The following MSH3 variants were observed in gnomAD, a reference collection of about 807,000 sequenced individuals.
MSH3 encodes mutS homolog 3.
Under a neutral mutation model 123.3 loss-of-function variants are expected in MSH3, and 106 were observed. The ratio of observed to expected loss-of-function variants is 0.86; its 90% CI spans 0.73 to 1.01. MSH3 has a LOEUF of 1.01. Ranked by LOEUF, MSH3 falls within the 50% of genes least tolerant of loss-of-function variation. The probability of loss-of-function intolerance (pLI) is 0.00; values close to 1 mark genes in which losing one functional copy is unlikely to be tolerated. For synonymous variants in MSH3, 515 were observed against 481.4 expected (o/e 1.07, Z -0.91); for missense variants, 1,459 against 1,347.6 (o/e 1.08, Z -1.29).
In MSH3 at chr5:80,714,123, A is replaced by G. The variant is rs1390403698; in HGVS notation, c.1341-11330A>G. Among the ~76,000 whole-genome samples, 3 of 150,000 alleles carry G rather than the reference A, an allele frequency of 2.0e-5. No homozygotes were observed. The East Asian group carries it at 5.8e-4, about 29-fold the overall frequency. ...ATGCTAGGCATGTGTGCAGAATTTC[A>G]AATAGACTTTTTTTTTTTTTTTTTT... On this transcript the variant is annotated intron_variant, in intron 8 of 23. Coordinates refer to ENST00000265081, the MANE Select transcript of MSH3 (RefSeq NM_002439.5).
intron 21 of MSH3, among the ~76,000 whole-genome samples, chr5:80,864,294 A>AT (rs1161424647): frequency 1.3e-5 from 2 of 152,160 alleles, no homozygotes; most frequent in Non-Finnish European, 2.9e-5. Flanking sequence ...ATTGAAAGAC[A>AT]TTATGCAAAA....
intron 14 of MSH3, 57 bp downstream of exon 14, chr5:80,768,177 T>C: frequency 6.9e-7 from 1 of 1,455,302 alleles, no homozygotes; most frequent in Non-Finnish European, 9.7e-7. Flanking sequence ...TCAGTGCATT[T>C]GCCATTTATT....
intron 8 of MSH3, among the ~76,000 whole-genome samples, chr5:80,695,308 A>C (rs976180646): frequency 6.6e-6 from 1 of 150,618 alleles, no homozygotes; most frequent in African/African-American, 2.4e-5. Flanking sequence ...CACTGTTATT[A>C]TATTTTTCAC....
At chr5:80,667,776 G>A (rs552037189) in intron 3 of MSH3, among the ~76,000 whole-genome samples, 28 of 152,322 alleles carry the variant, frequency 1.8e-4, no homozygotes, top group South Asian at 6.2e-4. Flanking sequence ...GAACTGCAGA[G>A]CCCCAGAGAG....
rs1204053199 is a variant in MSH3, at chr5:80,675,049, C to T, written c.1094C>T (p.Thr365Ile). 1.2e-6 allele frequency: 2 copies of T among 1,613,094 alleles called. No individual in the cohort carries two copies. The highest frequency in any genetic ancestry group is 1.7e-6 in the Non-Finnish European group (2 of 1,179,434). Reference protein sequence around the residue: ...NVDEIMTDTSTSYLLCISENK... With the variant: ...NVDEIMTDTSISYLLCISENK... Reference sequence around the variant, plus strand: ...GATGAGATAATGACTGATACTTCTACCAGCTATCTTCTGTGCATCTCTGAA... The same window carrying T: ...GATGAGATAATGACTGATACTTCTATCAGCTATCTTCTGTGCATCTCTGAA... Residue 365 changes from threonine to isoleucine, a missense_variant, in exon 7 of 24, where the codon ACC becomes ATC. Coordinates refer to ENST00000265081, the MANE Select transcript of MSH3 (RefSeq NM_002439.5).
intron 20 of MSH3, among the ~76,000 whole-genome samples, chr5:80,846,493 G>A (rs1745723947): frequency 6.6e-6 from 1 of 152,158 alleles, no homozygotes; most frequent in Non-Finnish European, 1.5e-5. Flanking sequence ...CTTTCATTCT[G>A]CTATGCCCTG....
intron 8 of MSH3, among the ~76,000 whole-genome samples, chr5:80,693,317 G>A (rs1580566759): frequency 3.3e-5 from 1 of 30,714 alleles, no homozygotes; most frequent in East Asian, 7.7e-4. Context: ...ACATGTATAT[G>A]TTTATATAGA....
chr5:80,674,509 C>G (rs1257430648), intron 6 of MSH3, among the ~76,000 whole-genome samples: 2 of 152,066 alleles, frequency 1.3e-5, no homozygotes, highest in Non-Finnish European at 2.9e-5. Context: ...CAGCATCATC[C>G]AAGTGATGAA....
At chr5:80,846,003 C>T (rs942284203) in intron 20 of MSH3, among the ~76,000 whole-genome samples, 1 of 152,198 alleles carries the variant, frequency 6.6e-6, no homozygotes, top group Non-Finnish European at 1.5e-5. Flanking sequence ...TCGGAAGTTT[C>T]TGCTTTTCTG....
At chr5:80,807,190 CAAAAAAAAAAA>C (rs34405208) in intron 19 of MSH3, among the ~76,000 whole-genome samples, 2 of 91,472 alleles carry the variant, frequency 2.2e-5, no homozygotes, top group Non-Finnish European at 4.1e-5. Context: ...TACCCTGTCT[CAAAAAAAAAAA>C]AAAAAAAAAA....
chr5:80,709,358 T>C lies in MSH3; in HGVS notation c.1341-16095T>C, dbSNP rs554933051. ...TTTAGGGCCGGGTGCGGTGGTGGCT[T>C]ACGCCTGTAATCCCAGCACTTTGGG... On this transcript the variant is annotated intron_variant, in intron 8 of 23. Coordinates refer to ENST00000265081, the MANE Select transcript of MSH3 (RefSeq NM_002439.5). Among the ~76,000 whole-genome samples, 579 of 151,948 alleles carry C rather than the reference T, an allele frequency of 3.8e-3. 3 individuals carry two copies. The highest frequency in any genetic ancestry group is 0.01 in the African/African-American group (425 of 41,462).
chr5:80,707,621 A>G (rs932285884), intron 8 of MSH3, among the ~76,000 whole-genome samples: 3 of 151,978 alleles, frequency 2.0e-5, no homozygotes, highest in Non-Finnish European at 4.4e-5. Flanking sequence ...AGGCCTAGCT[A>G]CTCAGAAGGC....
chr5:80,726,420 T>G (rs907190522), intron 9 of MSH3, among the ~76,000 whole-genome samples: 2 of 152,206 alleles, frequency 1.3e-5, no homozygotes, highest in African/African-American at 4.8e-5. Context: ...GCATGTCTCT[T>G]TAATTTCATG....
chr5:80,854,346 G>T, intron 21 of MSH3, 30 bp downstream of exon 21: 1 of 1,573,594 alleles, frequency 6.4e-7, no homozygotes, highest in African/African-American at 1.3e-5. Context: ...TATTTAAAAA[G>T]AAATTAATTT....
At position 80,734,453 on chromosome 5, in the gene MSH3, A is replaced by G. The variant is rs979364335; in HGVS notation, c.1568+5488A>G. On this transcript the variant is annotated intron_variant, in intron 10 of 23. Coordinates refer to ENST00000265081, the MANE Select transcript of MSH3 (RefSeq NM_002439.5). ...AGTGGGTGAATTGCATAGTGTGTGAATTATATCAATAAAGTTGATAGACAC... is the reference window on the plus strand; with the variant it reads ...AGTGGGTGAATTGCATAGTGTGTGAGTTATATCAATAAAGTTGATAGACAC... Among the ~76,000 whole-genome samples the G allele has an allele frequency of 4.6e-5, 7 of 152,228 alleles. 1 individual carries two copies. Among genetic ancestry groups the G allele is most frequent in the African/African-American group, 1.7e-4 (7 of 41,452 alleles).
chr5:80,768,963 A>G lies in MSH3; in HGVS notation c.2213A>G (p.Lys738Arg). Residue 738 changes from lysine (K) to arginine (R), a missense_variant, in exon 15 of 24, where the codon AAA becomes AGA. Physicochemically the swap from Lys to Arg is conservative, Grantham distance 26. Coordinates refer to ENST00000265081, the MANE Select transcript of MSH3 (RefSeq NM_002439.5). ...TTGCAAGAAATACGAAAAATACTAA[A>G]AAATCCTTCTGCACAATATGTGACA... ...MHLQEIRKIL[K>R]NPSAQYVTVS... The G allele has an allele frequency of 6.2e-7, 1 of 1,613,144 alleles. No individual in the cohort carries two copies. The highest frequency in any genetic ancestry group is 8.5e-7 in the Non-Finnish European group (1 of 1,179,342).
chr5:80,842,774 A>G (rs1173182172), intron 20 of MSH3, among the ~76,000 whole-genome samples: 3 of 152,198 alleles, frequency 2.0e-5, no homozygotes, highest in Non-Finnish European at 4.4e-5. Context: ...GACTTTGCTG[A>G]AGTTGCTTAT....
At chr5:80,686,650 C>A (rs1750100898) in intron 8 of MSH3, among the ~76,000 whole-genome samples, 1 of 152,180 alleles carries the variant, frequency 6.6e-6, no homozygotes, top group East Asian at 1.9e-4. Context: ...TCCATATTTA[C>A]AACCAGTAAA....
chr5:80,694,620 T>A (rs1337988095), intron 8 of MSH3, among the ~76,000 whole-genome samples: 1 of 152,102 alleles, frequency 6.6e-6, no homozygotes, highest in Admixed American at 6.5e-5. Context: ...CCTTTTTGTT[T>A]AGAGAACTTC....
Sources: allele counts gnomAD v4.1 joint callset (sites outside exome capture counted in the v4.1 genomes callset), GRCh38; gene constraint gnomAD v4.1.1; transcripts MANE v1.5; gene names NCBI Gene and HGNC (gene_info 2026-07-23, HGNC 2026-07-21).